The following RASSF8 variants were observed in gnomAD, a reference collection of about 807,000 sequenced individuals.
The protein encoded by RASSF8 is Ras association domain family member 8, also known as ras association domain-containing protein 8.
RASSF8 carries 22 observed loss-of-function variants against 48.5 expected under a neutral mutation model. The observed-to-expected ratio is 0.45, with a 90% CI of 0.32 to 0.65. RASSF8 has a LOEUF of 0.65. Ranked by LOEUF, RASSF8 falls within the 30% of genes least tolerant of loss-of-function variation. The probability of loss-of-function intolerance (pLI) is 0.03; values close to 1 mark genes in which losing one functional copy is unlikely to be tolerated. For missense variants in RASSF8, 418 were observed against 489.2 expected (o/e 0.85, Z 1.37); for synonymous variants, 127 against 171.5 (o/e 0.74, Z 2.03).
chr12:26,039,662 T>C (rs2729635), intron 2 of RASSF8, among the ~76,000 whole-genome samples: 58,073 of 152,074 alleles, frequency 0.38, 11,751 homozygotes, highest in Non-Finnish European at 0.45. Flanking sequence ...GTACCAGTAG[T>C]TGGTGATTCC....
intron 2 of RASSF8, among the ~76,000 whole-genome samples, chr12:26,013,168 G>A (rs1942570341): frequency 6.6e-6 from 1 of 152,238 alleles, no homozygotes; most frequent in African/African-American, 2.4e-5. Flanking sequence ...CAATAAAAAG[G>A]CCTGTATTCT....
chr12:26,065,762 C>T (rs980728757), intron 4 of RASSF8, among the ~76,000 whole-genome samples: 2 of 152,200 alleles, frequency 1.3e-5, no homozygotes, highest in African/African-American at 4.8e-5. Context: ...TCTGTCACTT[C>T]TCCATTGTTG....
At chr12:25,960,619 A>G (rs1361042156) in intron 1 of RASSF8, among the ~76,000 whole-genome samples, 1 of 152,234 alleles carries the variant, frequency 6.6e-6, no homozygotes, top group Non-Finnish European at 1.5e-5. Flanking sequence ...ACAACAAAAT[A>G]TAATTTGTAA....
intron 1 of RASSF8, among the ~76,000 whole-genome samples, chr12:25,960,526 CA>C (rs1279553051): frequency 3.9e-5 from 6 of 152,240 alleles, no homozygotes; most frequent in Admixed American, 3.3e-4. Context: ...GCACACTCCC[CA>C]AACCATAAAA....
chr12:26,001,884 TTATGCA>T (rs1375070775), intron 2 of RASSF8, among the ~76,000 whole-genome samples: 2 of 152,242 alleles, frequency 1.3e-5, no homozygotes, highest in Non-Finnish European at 2.9e-5. Flanking sequence ...TTTTCAAATA[TTATGCA>T]TTGTAAATAA....
chr12:25,969,073 G>A (rs1941424024), intron 1 of RASSF8, among the ~76,000 whole-genome samples: 1 of 152,230 alleles, frequency 6.6e-6, no homozygotes, highest in Admixed American at 6.5e-5. Flanking sequence ...GTAAGGCTGG[G>A]GGGAGCAAAG....
intron 2 of RASSF8, among the ~76,000 whole-genome samples, chr12:26,012,427 A>T (rs1352867157): frequency 2.0e-5 from 3 of 152,198 alleles, no homozygotes; most frequent in African/African-American, 7.2e-5. Context: ...TGATTGTGTG[A>T]ACTGTCATTA....
intron 2 of RASSF8, among the ~76,000 whole-genome samples, chr12:26,023,677 AAAC>A (rs971331847): frequency 9.9e-5 from 15 of 152,128 alleles, no homozygotes; most frequent in African/African-American, 2.9e-4. Context: ...AAAAAACAAA[AAAC>A]AAAAAAAAAC....
At chr12:26,036,571 T>C (rs1943154942) in intron 2 of RASSF8, among the ~76,000 whole-genome samples, 1 of 152,134 alleles carries the variant, frequency 6.6e-6, no homozygotes. Flanking sequence ...TAATATTTAA[T>C]ATTTAATATA....
At position 25,975,595 on chromosome 12, in the gene RASSF8, A is replaced by G. The variant is rs74072278; in HGVS notation, c.-203+16447A>G. 3.0e-3 allele frequency among the ~76,000 whole-genome samples: 455 copies of G among 152,366 alleles called. 3 individuals carry two copies. Among genetic ancestry groups the G allele is most frequent in the African/African-American group, 0.011 (438 of 41,588 alleles). On this transcript the variant is annotated intron_variant, in intron 1 of 5. Transcript: ENST00000689635. ...TTATGTGAATTAAGTTAAAGGAACA[A>G]TACTTGTAGTGGTTGATGTTACAAA...
chr12:25,973,028 CT>C (rs1050973975), intron 1 of RASSF8, among the ~76,000 whole-genome samples: 7 of 151,828 alleles, frequency 4.6e-5, no homozygotes, highest in Non-Finnish European at 8.8e-5. Flanking sequence ...CTTGTTCATT[CT>C]TTTTTTTATG....
intron 2 of RASSF8, among the ~76,000 whole-genome samples, chr12:26,025,004 C>CA (rs1259995626): frequency 1.3e-5 from 2 of 151,870 alleles, no homozygotes; most frequent in Non-Finnish European, 2.9e-5. Flanking sequence ...GAATAAAGAA[C>CA]AAAAACTACA....
chr12:26,062,064 G>A (rs12579489), intron 3 of RASSF8, among the ~76,000 whole-genome samples: 5,959 of 152,140 alleles, frequency 0.039, 551 homozygotes, highest in East Asian at 0.29. Context: ...GTGATGATTC[G>A]GTTTTCCTTC....
Position 25,974,573 on chromosome 12 carries a change from A to C in RASSF8, c.-203+15425A>C, listed in dbSNP as rs1016611921. ...TACTCTAAGCCCAAGTTAGTTCTAA[A>C]GCAATCCCAGCATTTCCTAATGTAG... is the stretch of plus-strand genomic sequence containing the variant. On this transcript the variant is annotated intron_variant, in intron 1 of 5. Coordinates refer to ENST00000689635, the MANE Select transcript of RASSF8 (RefSeq NM_001394098.1). 4.6e-5 allele frequency among the ~76,000 whole-genome samples: 7 copies of C among 152,104 alleles called. No homozygotes were observed. In the East Asian group the frequency reaches 1.3e-3, roughly 29 times the overall value.
At chr12:25,992,610 C>G (rs572697605) in intron 1 of RASSF8, among the ~76,000 whole-genome samples, 1 of 151,954 alleles carries the variant, frequency 6.6e-6, no homozygotes, top group African/African-American at 2.4e-5. Context: ...TGGTAAGGCC[C>G]GCACCTGGGA....
At position 26,070,801 on chromosome 12, in the gene RASSF8, A is replaced by T; in HGVS notation, c.*1983A>T. ...CGCATTTTCTTTAAGTCAAAATGTTAAACTGGAGGCAGTATTAAACTTTGC... is the reference window on the plus strand; with the variant it reads ...CGCATTTTCTTTAAGTCAAAATGTTTAACTGGAGGCAGTATTAAACTTTGC... On this transcript the variant is annotated 3_prime_UTR_variant, in exon 6 of 6. Transcript: ENST00000689635. 1.0e-6 allele frequency: 1 copy of T among 983,172 alleles called. No homozygotes were observed. The highest frequency in any genetic ancestry group is 1.2e-6 in the Non-Finnish European group (1 of 827,880). 60.9% of individuals were successfully genotyped at this position (983,172 alleles called of 1,614,324 possible).
chr12:26,011,668 C>T (rs1412466544), intron 2 of RASSF8: 1 of 152,094 alleles, frequency 6.6e-6, no homozygotes, highest in Non-Finnish European at 1.5e-5. Flanking sequence ...GGATTAGTGC[C>T]TTCATAAAAG....
rs765284225 is a variant in RASSF8 at position 26,016,206 on chromosome 12, G to GGT, written c.-109+21076_-109+21077insGT. On this transcript the variant is annotated intron_variant, in intron 2 of 5. Coordinates refer to ENST00000689635, the MANE Select transcript of RASSF8 (RefSeq NM_001394098.1). The stretch of plus-strand genomic sequence containing the variant: ...TGGAGTTATTAAGGGCTGTTTTTGG[G>GGT]TTTTTTTTTTTTTTTATTTGTTTGT... 5.1e-4 allele frequency among the ~76,000 whole-genome samples: 74 copies of GGT among 144,100 alleles called. 1 individual carries two copies. Among genetic ancestry groups the GGT allele is most frequent in the Admixed American group, 8.9e-4 (13 of 14,606 alleles). The allele number at this position is 144,100 out of a possible 152,430, so 94.5% of individuals were successfully genotyped here.
At chr12:25,959,765 T>G in intron 1 of RASSF8, 1 of 152,140 alleles carries the variant, frequency 6.6e-6, no homozygotes, top group East Asian at 1.9e-4. Context: ...GAGCTTTGAA[T>G]GTGGGTCCTG....
Sources: allele counts gnomAD v4.1 joint callset (sites outside exome capture counted in the v4.1 genomes callset), GRCh38; gene constraint gnomAD v4.1.1; transcripts MANE v1.5; gene names NCBI Gene and HGNC (gene_info 2026-07-23, HGNC 2026-07-21).